The following ANOS1 variants were observed in gnomAD, a reference collection of about 807,000 sequenced individuals.
The protein encoded by ANOS1 is anosmin 1, also known as anosmin-1.
Under a neutral mutation model 59.0 loss-of-function variants are expected in ANOS1, and 6 were observed. That is an observed-to-expected ratio of 0.10 (90% confidence interval 0.06 to 0.20). The LOEUF is 0.20. ANOS1 is among the 10% of genes least tolerant of loss of function. ANOS1 has a pLI of 1.00. For missense variants in ANOS1, 433 were observed against 542.3 expected (o/e 0.80, Z 2.00); for synonymous variants, 217 against 223.4 (o/e 0.97, Z 0.25).
chrX:8,678,484 G>A lies in ANOS1; in HGVS notation c.255+21214C>T, dbSNP rs1322770251. On this transcript the variant is annotated intron_variant, in intron 2 of 13. Coordinates refer to ENST00000262648, the MANE Select transcript of ANOS1 (RefSeq NM_000216.4). ...TTTATATTTCCTTTCCAAATACTTG[G>A]AGAGAGAATCTACTCAGTTTCTGAT... is the stretch of plus-strand genomic sequence containing the variant. 3.6e-5 allele frequency among the ~76,000 whole-genome samples: 4 copies of A among 111,893 alleles called. No individual in the cohort carries two copies. The Admixed American group carries it at 3.8e-4, about 11-fold the overall frequency.
chrX:8,619,070 C>CAAAAAAAAAAAAAAAAAAAAAAAAAAAAA (rs1164164251), intron 3 of ANOS1, among the ~76,000 whole-genome samples: 2 of 43,968 alleles, frequency 4.5e-5, no homozygotes, highest in East Asian at 1.3e-3. Flanking sequence ...AAACCTCTCT[C>CAAAAAAAAAAAAAAAAAAAAAAAAAAAAA]AAAAAAAAAA....
At chrX:8,547,907 G>A (rs1372860638) in intron 9 of ANOS1, among the ~76,000 whole-genome samples, 1 of 111,168 alleles carries the variant, frequency 9.0e-6, no homozygotes, top group Non-Finnish European at 1.9e-5. Context: ...AGTAGAGACG[G>A]GGTTTCACCA....
intron 5 of ANOS1, 86 bp from the exon 6 acceptor site, chrX:8,585,482 C>T (rs1434268271): frequency 1.6e-5 from 17 of 1,053,527 alleles, no homozygotes; most frequent in East Asian, 3.0e-5. Context: ...AATACACTAA[C>T]CCATCAGCCA....
intron 3 of ANOS1, among the ~76,000 whole-genome samples, chrX:8,611,049 A>G (rs1181009220): frequency 9.0e-6 from 1 of 111,085 alleles, no homozygotes; most frequent in East Asian, 2.8e-4. Flanking sequence ...ACATTTAAGA[A>G]CTAATATAAA....
At chrX:8,567,532 C>T (rs758815206) in intron 8 of ANOS1, among the ~76,000 whole-genome samples, 2 of 112,002 alleles carry the variant, frequency 1.8e-5, no homozygotes, top group Non-Finnish European at 3.8e-5. Flanking sequence ...ACTAGAGAAA[C>T]ACTGTAATCC....
intron 8 of ANOS1, among the ~76,000 whole-genome samples, chrX:8,557,450 A>T (rs1441347160): frequency 8.9e-6 from 1 of 112,072 alleles, no homozygotes; most frequent in Admixed American, 9.5e-5. Flanking sequence ...TAATATCCAG[A>T]ATCTACAGGA....
rs184186148 is a variant in ANOS1 at position 8,552,618 on chromosome X, T to C, written c.1354+1334A>G. Among the ~76,000 whole-genome samples the C allele has an allele frequency of 4.5e-3, 502 of 112,170 alleles. 2 individuals are homozygous for C. The highest frequency in any genetic ancestry group is 7.0e-3 in the Non-Finnish European group (372 of 53,254). On this transcript the variant is annotated intron_variant, in intron 9 of 13. Coordinates refer to ENST00000262648, the MANE Select transcript of ANOS1 (RefSeq NM_000216.4). ...ATTTCAAATACAGGCAAAACAAATA[T>C]TGAGTTTTAAAAGTCAGGATGGTGG...
At chrX:8,659,507 CTGCT>C (rs1369905423) in intron 2 of ANOS1, among the ~76,000 whole-genome samples, 2 of 105,515 alleles carry the variant, frequency 1.9e-5, no homozygotes, top group African/African-American at 3.5e-5. Flanking sequence ...CTCTCCCTCC[CTGCT>C]TGCTTGCTTT....
At chrX:8,534,140 C>A (rs1372499308) in intron 13 of ANOS1, among the ~76,000 whole-genome samples, 179 bp downstream of exon 13, 1 of 109,282 alleles carries the variant, frequency 9.2e-6, no homozygotes, top group Non-Finnish European at 1.9e-5. Flanking sequence ...ACTACAGGTG[C>A]CTGGAATAGA....
intron 2 of ANOS1, among the ~76,000 whole-genome samples, chrX:8,668,936 C>G (rs755583349): frequency 8.9e-6 from 1 of 111,735 alleles, no homozygotes; most frequent in Non-Finnish European, 1.9e-5. Flanking sequence ...GTCTCCAGAG[C>G]CTGGTAGGAG....
intron 2 of ANOS1, among the ~76,000 whole-genome samples, chrX:8,687,552 C>A (rs1230853816): frequency 9.3e-6 from 1 of 107,942 alleles, no homozygotes; most frequent in Non-Finnish European, 1.9e-5. Flanking sequence ...AACGTGATTT[C>A]ATTTTCCAAC....
chrX:8,542,159 A>T (rs757671547), intron 9 of ANOS1, among the ~76,000 whole-genome samples: 45 of 107,439 alleles, frequency 4.2e-4, no homozygotes, highest in African/African-American at 1.4e-3. Flanking sequence ...GGTTTGAAAA[A>T]TTTTTCTGCT....
chrX:8,660,125 G>A (rs187770661), intron 2 of ANOS1, among the ~76,000 whole-genome samples: 1 of 106,083 alleles, frequency 9.4e-6, no homozygotes, highest in African/African-American at 3.9e-5. Context: ...AGAGGAGAAG[G>A]GGCTACCTTC....
intron 1 of ANOS1, among the ~76,000 whole-genome samples, chrX:8,726,183 G>A (rs772166073): frequency 9.0e-5 from 10 of 111,262 alleles, no homozygotes; most frequent in African/African-American, 2.9e-4. Flanking sequence ...GTTTTGATGC[G>A]CTAATTGTTT....
intron 1 of ANOS1, among the ~76,000 whole-genome samples, chrX:8,727,899 G>T (rs1021455116): frequency 1.8e-5 from 2 of 112,556 alleles, no homozygotes; most frequent in Non-Finnish European, 3.8e-5. Flanking sequence ...AAGAGTTAGC[G>T]TCATGCTAAA....
At chrX:8,576,510 A>G (rs1370359835) in intron 6 of ANOS1, among the ~76,000 whole-genome samples, 1 of 109,857 alleles carries the variant, frequency 9.1e-6, no homozygotes, top group African/African-American at 3.3e-5. Context: ...ACACACACAC[A>G]CACACACATA....
At chrX:8,550,221 TAATTGAGG>T (rs1929834128) in intron 9 of ANOS1, among the ~76,000 whole-genome samples, 2 of 111,330 alleles carry the variant, frequency 1.8e-5, no homozygotes, top group Non-Finnish European at 3.8e-5. Flanking sequence ...TCAGAAAGTA[TAATTGAGG>T]AAAAAGTATG....
chrX:8,726,359 G>A (rs888733231), intron 1 of ANOS1, among the ~76,000 whole-genome samples: 3 of 111,203 alleles, frequency 2.7e-5, no homozygotes, highest in African/African-American at 9.8e-5. Context: ...TTTATAGGGC[G>A]AATAACGTCC....
At chrX:8,648,807 C>CT (rs1051510354) in intron 2 of ANOS1, among the ~76,000 whole-genome samples, 2 of 111,980 alleles carry the variant, frequency 1.8e-5, no homozygotes, top group Non-Finnish European at 3.8e-5. Context: ...GACATATATA[C>CT]TTTCTATCTT....
Sources: allele counts gnomAD v4.1 joint callset (sites outside exome capture counted in the v4.1 genomes callset), GRCh38; gene constraint gnomAD v4.1.1; transcripts MANE v1.5; gene names NCBI Gene and HGNC (gene_info 2026-07-23, HGNC 2026-07-21).